ARHGAP39: variants seen among roughly 807,000 people sequenced by gnomAD.
ARHGAP39 encodes rho GTPase-activating protein 39.
A neutral mutation model predicts 106.9 loss-of-function variants in ARHGAP39; 44 were observed. The ratio of observed to expected loss-of-function variants is 0.41; its 90% confidence interval spans 0.32 to 0.53. The LOEUF (loss-of-function observed/expected upper bound fraction) is 0.53. ARHGAP39 is among the 20% of genes least tolerant of loss of function. ARHGAP39 has a pLI of 0.21. For missense variants in ARHGAP39, 1,496 were observed against 1,577.3 expected, an observed-to-expected ratio of 0.95 and a Z score of 0.87; for synonymous variants, 768 against 693.2, an observed-to-expected ratio of 1.11 and a Z score of -1.69.
At chr8:144,637,193 G>C (rs1204959572) in intron 1 of ARHGAP39, among the ~76,000 whole-genome samples, 2 of 152,118 alleles carry the variant, frequency 1.3e-5, no homozygotes, top group African/African-American at 2.4e-5. Context: ...CTCTAGACTG[G>C]TCCTTGAATA....
intron 7 of ARHGAP39, among the ~76,000 whole-genome samples, chr8:144,535,550 C>T (rs898960052): frequency 1.3e-5 from 2 of 152,264 alleles, no homozygotes; most frequent in African/African-American, 4.8e-5. Context: ...ATGAGCTTTG[C>T]AGGAAGGCGG....
At chr8:144,638,769 A>T (rs1821238611) in intron 1 of ARHGAP39, among the ~76,000 whole-genome samples, 1 of 152,250 alleles carries the variant, frequency 6.6e-6, no homozygotes, top group Non-Finnish European at 1.5e-5. Context: ...TAGCACAAAC[A>T]GGATGAATCC....
chr8:144,595,804 C>G (rs758259876), intron 2 of ARHGAP39, among the ~76,000 whole-genome samples: 1 of 152,188 alleles, frequency 6.6e-6, no homozygotes, highest in East Asian at 1.9e-4. Flanking sequence ...CATGCAGCCC[C>G]CAGCACAGCT....
chr8:144,631,856 G>A (rs1821070558), intron 1 of ARHGAP39, among the ~76,000 whole-genome samples: 1 of 152,250 alleles, frequency 6.6e-6, no homozygotes, highest in East Asian at 1.9e-4. Flanking sequence ...ACACCGGGCA[G>A]GGCAACTGTC....
chr8:144,612,795 G>A (rs930015666), intron 1 of ARHGAP39, among the ~76,000 whole-genome samples: 1 of 152,190 alleles, frequency 6.6e-6, no homozygotes, highest in African/African-American at 2.4e-5. Flanking sequence ...ATAGAGTGAA[G>A]TGAGCCACGG....
At chr8:144,532,038 G>A (rs952805230) in intron 10 of ARHGAP39, among the ~76,000 whole-genome samples, 1 of 139,822 alleles carries the variant, frequency 7.2e-6, no homozygotes, top group African/African-American at 3.1e-5. Context: ...TGGGGAGTAG[G>A]CTAGACATAG....
Position 144,547,844 on chromosome 8 carries a change from C to CG in ARHGAP39, c.1241dup (p.Arg415AlafsTer41). On this transcript the variant is annotated frameshift_variant, in exon 5 of 12. Transcript: ENST00000377307. LOFTEE classifies it high-confidence loss of function. This position sits in a 1 kb window ranked among gnomAD's most constrained non-coding sequence, Gnocchi z 5.2. ...CGGGGTTGGGCGCGTACTTGTGCCG[C>CG]GGGCCGGCGCGCAGCTTGGGGCTGG... The CG allele has an allele frequency of 6.3e-7, 1 of 1,586,850 alleles. No individual in the cohort carries two copies. Among genetic ancestry groups the CG allele is most frequent in the Non-Finnish European group, 8.6e-7 (1 of 1,167,402 alleles).
chr8:144,686,918 A>G (rs62529937), upstream of ARHGAP39, among the ~76,000 whole-genome samples: 822 of 68,458 alleles, frequency 0.012, 71 homozygotes, highest in African/African-American at 0.029. Context: ...CCGTGACCAC[A>G]CACTGGCGGC....
At chr8:144,658,337 C>T (rs141871094) in intron 1 of ARHGAP39, among the ~76,000 whole-genome samples, 5,463 of 151,438 alleles carry the variant, frequency 0.036, 347 homozygotes, top group African/African-American at 0.13. Flanking sequence ...TGCAATGGTG[C>T]GATCTTGGCT....
At position 144,602,254 on chromosome 8, in the gene ARHGAP39, T is replaced by C. The variant is rs540909646; in HGVS notation, c.80+3281A>G. ...GTGCATGTGCGTGGAGGTGTGTGTG[T>C]GAGCTCATGTACCTGTGTGTGTGCG... On this transcript the variant is annotated intron_variant, in intron 2 of 11. Coordinates refer to ENST00000377307, the MANE Select transcript of ARHGAP39 (RefSeq NM_025251.3). 9.1e-3 allele frequency among the ~76,000 whole-genome samples: 829 copies of C among 90,870 alleles called. 18 individuals are homozygous for C. Among genetic ancestry groups the C allele is most frequent in the Middle Eastern group, 0.023 (2 of 88 alleles). The allele number at this position is 90,870 out of a possible 152,430, so 59.6% of individuals were successfully genotyped here.
chr8:144,593,850 G>A (rs1819498148), intron 2 of ARHGAP39, among the ~76,000 whole-genome samples: 2 of 152,256 alleles, frequency 1.3e-5, no homozygotes, highest in African/African-American at 4.8e-5. Flanking sequence ...AGCACTTTGA[G>A]AGGCCAAGGC....
At position 144,547,924 on chromosome 8, in the gene ARHGAP39, T is replaced by C; in HGVS notation, c.1162A>G (p.Ser388Gly). The change falls in exon 5 of 12, where the codon AGT (serine) becomes GGT (glycine). Residue 388 changes from serine to glycine, a missense_variant. Coordinates refer to ENST00000377307, the MANE Select transcript of ARHGAP39 (RefSeq NM_025251.3). The surrounding 1 kb of genome is among the most constrained non-coding windows in gnomAD (Gnocchi z 5.2). ...CPERFLSLEY[S>G]PAGKEYVRQL... ...CGCACGTACTCCTTGCCGGCGGGACTGTACTCCAGGCTCAGGAAGCGCTCG... is the reference window on the plus strand; with the variant it reads ...CGCACGTACTCCTTGCCGGCGGGACCGTACTCCAGGCTCAGGAAGCGCTCG... The C allele has an allele frequency of 6.3e-7, 1 of 1,588,006 alleles. No individual in the cohort carries two copies. The highest frequency in any genetic ancestry group is 8.6e-7 in the Non-Finnish European group (1 of 1,167,636).
At chr8:144,638,590 TCA>T (rs1821234755) in intron 1 of ARHGAP39, among the ~76,000 whole-genome samples, 1 of 152,252 alleles carries the variant, frequency 6.6e-6, no homozygotes, top group Admixed American at 6.5e-5. Context: ...GTCTTCCAGT[TCA>T]CAAAGTTTCT....
In ARHGAP39 at chr8:144,548,402, C is replaced by T; in HGVS notation, c.684G>A (p.Gln228=). 2 of 1,610,736 alleles carry T rather than the reference C, an allele frequency of 1.2e-6. No homozygotes were observed. The highest frequency in any genetic ancestry group is 1.7e-6 in the Non-Finnish European group (2 of 1,179,440). ...GGCCGTCTGGGGCGTAGCCATTGCCCTGGGCGGCGAGGAAGCTGGGCTCCC... is the reference window on the plus strand; with the variant it reads ...GGCCGTCTGGGGCGTAGCCATTGCCTTGGGCGGCGAGGAAGCTGGGCTCCC... ...ADREPSFLAA[Q]GNGYAPDGPP... The change falls in exon 5 of 12, where the codon CAG becomes CAA. Residue 228 remains glutamine (Q), a synonymous_variant. Transcript: ENST00000377307. The surrounding 1 kb of genome is among the most constrained non-coding windows in gnomAD (Gnocchi z 7.4).
chr8:144,615,193 C>T (rs971384054), intron 1 of ARHGAP39, among the ~76,000 whole-genome samples: 3 of 152,320 alleles, frequency 2.0e-5, no homozygotes, highest in Non-Finnish European at 2.9e-5. Context: ...TGGTGGCACA[C>T]GCCTGTGGTC....
In ARHGAP39 at chr8:144,581,214, G is replaced by A. The variant is rs775375762; in HGVS notation, c.144C>T (p.Thr48=). 1 of 1,556,266 alleles carries A rather than the reference G, an allele frequency of 6.4e-7. No homozygotes were observed. Among genetic ancestry groups the A allele is most frequent in the South Asian group, 1.2e-5 (1 of 84,550 alleles). ...CCGGCGGGTCCCACACGCACTCACC[G>A]GTGACCAGGTTGGCGTACATGCGCT... ...TRERMYANLV[T]GECVWDPPAG... is the part of the protein sequence containing the mutation. The change falls in exon 3 of 12, where the codon ACC becomes ACT. Residue 48 remains threonine, a synonymous_variant. Coordinates refer to ENST00000377307, the MANE Select transcript of ARHGAP39 (RefSeq NM_025251.3).
At position 144,537,768 on chromosome 8, in the gene ARHGAP39, T is replaced by G. The variant is rs182432238; in HGVS notation, c.2567A>C (p.Lys856Thr). 158 of 1,614,118 alleles carry G rather than the reference T, an allele frequency of 9.8e-5. No individual in the cohort carries two copies. The East Asian group carries it at 1.2e-3, about 12-fold the overall frequency. The change falls in exon 7 of 12, where the codon AAG becomes ACG. Residue 856 changes from lysine to threonine, a missense_variant. By Grantham distance (78) the Lys-to-Thr change is moderately conservative (BLOSUM62 -1). This residue lies in a region of ARHGAP39 where 470 missense variants were observed against 605.1 expected (regional missense o/e 0.78). Coordinates refer to ENST00000377307, the MANE Select transcript of ARHGAP39 (RefSeq NM_025251.3). ...CTTGGGTTTCTTTCTCAATTTGGAC[T>G]TCTTCTTAGTGTTTCTTTCCAGGAG... Reference protein sequence around the residue: ...KELLERNTKKKSKLRKKPKPY... With the variant: ...KELLERNTKKTSKLRKKPKPY...
chr8:144,535,490 C>T (rs1816918110), intron 7 of ARHGAP39, among the ~76,000 whole-genome samples: 1 of 152,208 alleles, frequency 6.6e-6, no homozygotes, highest in African/African-American at 2.4e-5. Context: ...ATGGATGGTG[C>T]CCACGCACAC....
intron 1 of ARHGAP39, among the ~76,000 whole-genome samples, chr8:144,606,345 A>T (rs1019047628): frequency 1.3e-5 from 2 of 152,154 alleles, no homozygotes; most frequent in Non-Finnish European, 2.9e-5. Context: ...CAGCACAACC[A>T]ACCCCCTTCC....
Sources: gnomAD v4.1 joint callset for allele counts (sites outside exome capture counted in the v4.1 genomes callset) on GRCh38, gnomAD v4.1.1 for gene constraint, gnomAD v4.1.1 regional missense constraint, Gnocchi (gnomAD v3.1) non-coding constraint, MANE v1.5 for transcripts, NCBI Gene and HGNC (gene_info 2026-07-23, HGNC 2026-07-21) for gene names.